The following ARL8B variants were observed in gnomAD, a reference collection of about 807,000 sequenced individuals.
The protein encoded by ARL8B is ARF like GTPase 8B, also known as ADP-ribosylation factor-like protein 8B.
Under a neutral mutation model 30.6 loss-of-function variants are expected in ARL8B, and 9 were observed. That is an observed-to-expected ratio of 0.29 (90% confidence interval 0.18 to 0.51). The LOEUF (loss-of-function observed/expected upper bound fraction) is 0.51. ARL8B is among the 20% of genes least tolerant of loss of function. The pLI is 0.97. For synonymous variants in ARL8B, 74 were observed against 76.0 expected (o/e 0.97, Z 0.14); for missense variants, 130 against 227.2 (o/e 0.57, Z 2.75).
intron 1 of ARL8B, among the ~76,000 whole-genome samples, chr3:5,165,283 T>C (rs2054614671): frequency 6.6e-6 from 1 of 152,240 alleles, no homozygotes; most frequent in Admixed American, 6.5e-5. Flanking sequence ...TTCTTTTTCT[T>C]ACTAATGTAA....
In ARL8B at chr3:5,178,709, G is replaced by A. The variant is rs1193639702; in HGVS notation, c.557G>A (p.Ser186Asn). ...WLIQHSKSRR[S>N] ...ATTCAGCATTCAAAATCTAGAAGAA[G>A]CTGAAGCATCTCCTGAAGTCTTCCA... The change falls in exon 7 of 7, where the codon AGC (serine) becomes AAC (asparagine). Residue 186 changes from serine (S) to asparagine (N), a missense_variant. By Grantham distance (46) the Ser-to-Asn change is conservative. Coordinates refer to ENST00000256496, the MANE Select transcript of ARL8B (RefSeq NM_018184.3). 6.2e-7 allele frequency: 1 copy of A among 1,611,986 alleles called. No individual in the cohort carries two copies. Among genetic ancestry groups the A allele is most frequent in the Admixed American group, 1.7e-5 (1 of 59,962 alleles).
chr3:5,145,527 C>T (rs1416996031), intron 1 of ARL8B, among the ~76,000 whole-genome samples: 3 of 152,116 alleles, frequency 2.0e-5, no homozygotes, highest in African/African-American at 7.2e-5. Context: ...TATGTTGCCT[C>T]TTCCCTCCCC....
intron 1 of ARL8B, among the ~76,000 whole-genome samples, chr3:5,150,890 C>T (rs1012424033): frequency 1.3e-5 from 2 of 152,188 alleles, no homozygotes; most frequent in African/African-American, 4.8e-5. Context: ...TCAATTTCTT[C>T]AGTAGAGAGA....
chr3:5,171,705 G>T (rs2054678083), intron 2 of ARL8B, among the ~76,000 whole-genome samples: 1 of 152,190 alleles, frequency 6.6e-6, no homozygotes, highest in Non-Finnish European at 1.5e-5. Context: ...TTATTTACAG[G>T]ATAATTTCAA....
chr3:5,168,304 G>A (rs1279298428), intron 1 of ARL8B, among the ~76,000 whole-genome samples: 1 of 152,142 alleles, frequency 6.6e-6, no homozygotes, highest in Admixed American at 6.5e-5. Flanking sequence ...CTCCTGGGCC[G>A]CAGCAACCTG....
Position 5,172,684 on chromosome 3 carries a change from G to T in ARL8B, c.316G>T (p.Ala106Ser). 1 of 1,612,398 alleles carries T rather than the reference G, an allele frequency of 6.2e-7. No homozygotes were observed. The highest frequency in any genetic ancestry group is 8.5e-7 in the Non-Finnish European group (1 of 1,179,116). ...TGCTGCAGATCGTGAAAAGATAGAA[G>T]CTTCCCGAAATGAGCTACATAATCT... is the stretch of plus-strand genomic sequence containing the variant. ...IDAADREKIE[A>S]SRNELHNLLD... The change falls in exon 4 of 7, where the codon GCT becomes TCT. Residue 106 changes from alanine to serine, a missense_variant. Physicochemically the swap from Ala to Ser is moderately conservative, Grantham distance 99 (BLOSUM62 1). Transcript: ENST00000256496.
At chr3:5,149,846 G>A (rs896153845) in intron 1 of ARL8B, among the ~76,000 whole-genome samples, 1 of 152,120 alleles carries the variant, frequency 6.6e-6, no homozygotes, top group African/African-American at 2.4e-5. Context: ...ACATTTGGTT[G>A]GACAAACTTG....
intron 1 of ARL8B, among the ~76,000 whole-genome samples, chr3:5,124,294 A>G (rs1485915034): frequency 1.6e-5 from 2 of 126,860 alleles, no homozygotes; most frequent in African/African-American, 6.1e-5. Flanking sequence ...TCTGGTAGAG[A>G]CAAGATCTTC....
chr3:5,133,423 G>A (rs1418964228), intron 1 of ARL8B, among the ~76,000 whole-genome samples: 1 of 152,192 alleles, frequency 6.6e-6, no homozygotes, highest in Non-Finnish European at 1.5e-5. Flanking sequence ...GACAGTTGGG[G>A]AGGAGGGGAA....
chr3:5,173,893 A>C (rs1051294063), intron 4 of ARL8B, 124 bp from the exon 5 acceptor site: 2 of 766,880 alleles, frequency 2.6e-6, no homozygotes, highest in African/African-American at 3.5e-5. Context: ...CAGTTACACA[A>C]ATAGGCCTTA....
chr3:5,161,736 C>T (rs1466738515), intron 1 of ARL8B, among the ~76,000 whole-genome samples: 2 of 152,178 alleles, frequency 1.3e-5, no homozygotes, highest in Non-Finnish European at 2.9e-5. Context: ...TCAAGTAGCA[C>T]AGTGGGTAGG....
At chr3:5,158,610 T>G (rs1380150522) in intron 1 of ARL8B, among the ~76,000 whole-genome samples, 2 of 152,192 alleles carry the variant, frequency 1.3e-5, no homozygotes, top group African/African-American at 4.8e-5. Context: ...TGTGACTGTC[T>G]CCAGGGTCCG....
rs571202975 is a variant in ARL8B at position 5,128,891 on chromosome 3, T to TA, written c.123+6304dup. Among the ~76,000 whole-genome samples the TA allele has an allele frequency of 2.0e-3, 300 of 152,352 alleles. 2 individuals are homozygous for TA. Among genetic ancestry groups the TA allele is most frequent in the African/African-American group, 6.9e-3 (288 of 41,578 alleles). On this transcript the variant is annotated intron_variant, in intron 1 of 6. Transcript: ENST00000256496. ...ATGCTTTATATTCTGGTTTAATTGTTACAGTGTATGCATTTTTCTATCTAA... is the reference window on the plus strand; with the variant it reads ...ATGCTTTATATTCTGGTTTAATTGTTAACAGTGTATGCATTTTTCTATCTAA...
intron 1 of ARL8B, among the ~76,000 whole-genome samples, chr3:5,166,348 GT>G (rs576653836): frequency 0.016 from 1,573 of 99,136 alleles, 6 homozygotes; most frequent in East Asian, 0.023. Flanking sequence ...GGTATCTTTC[GT>G]TTTTTTTTTT....
chr3:5,166,738 T>A (rs1294321654), intron 1 of ARL8B, among the ~76,000 whole-genome samples: 3 of 152,232 alleles, frequency 2.0e-5, no homozygotes, highest in African/African-American at 7.2e-5. Flanking sequence ...GTCTGTACGT[T>A]CTTCACCATT....
intron 1 of ARL8B, among the ~76,000 whole-genome samples, chr3:5,142,215 G>A (rs11707472): frequency 0.11 from 16,706 of 152,144 alleles, 1,046 homozygotes; most frequent in Non-Finnish European, 0.14. Flanking sequence ...ATGGAGAGCC[G>A]AGTGATTGCC....
chr3:5,159,576 T>A (rs2054562648), intron 1 of ARL8B, among the ~76,000 whole-genome samples: 2 of 116,862 alleles, frequency 1.7e-5, no homozygotes, highest in Admixed American at 1.2e-4. Context: ...CACTCTAGCC[T>A]GGGCAACAAG....
Position 5,170,598 on chromosome 3 carries a change from G to T in ARL8B, c.204+15G>T. 6.3e-7 allele frequency: 1 copy of T among 1,588,174 alleles called. No homozygotes were observed. Among genetic ancestry groups the T allele is most frequent in the South Asian group, 1.1e-5 (1 of 89,420 alleles). ...TCACAATAAAGGTAAGTTATTTCTT[G>T]CCGTACGCAATTTAAATTGTTAGCA... On this transcript the variant is annotated intron_variant, in intron 2 of 6. Transcript: ENST00000256496.
At chr3:5,146,664 A>G (rs2054421341) in intron 1 of ARL8B, among the ~76,000 whole-genome samples, 2 of 152,062 alleles carry the variant, frequency 1.3e-5, no homozygotes, top group African/African-American at 4.8e-5. Context: ...TGTATTCCTA[A>G]TTCTAAACCC....
Sources: gnomAD v4.1 joint callset for allele counts (sites outside exome capture counted in the v4.1 genomes callset) on GRCh38, gnomAD v4.1.1 for gene constraint, MANE v1.5 for transcripts, NCBI Gene and HGNC (gene_info 2026-07-23, HGNC 2026-07-21) for gene names.